Variants in CPNE8 observed in about 807,000 individuals in gnomAD.
The protein encoded by CPNE8 is copine-8.
Under a neutral mutation model 81.5 loss-of-function variants are expected in CPNE8, and 45 were observed. The observed-to-expected ratio is 0.55, with a 90% CI of 0.44 to 0.71. CPNE8 has a LOEUF of 0.71. CPNE8 is among the 30% of genes least tolerant of loss of function. CPNE8 has a pLI of 0.00. For synonymous variants in CPNE8, 252 were observed against 226.3 expected, an observed-to-expected ratio of 1.11 and a Z score of -1.02; for missense variants, 594 against 672.1, an observed-to-expected ratio of 0.88 and a Z score of 1.28.
chr12:38,796,800 A>C (rs1157236830), intron 6 of CPNE8, among the ~76,000 whole-genome samples: 1 of 152,034 alleles, frequency 6.6e-6, no homozygotes, highest in African/African-American at 2.4e-5. Context: ...AGTCAAAGAA[A>C]GGGGTGACAG....
At chr12:38,890,849 T>A (rs927993981) in intron 1 of CPNE8, among the ~76,000 whole-genome samples, 4 of 151,048 alleles carry the variant, frequency 2.6e-5, no homozygotes, top group African/African-American at 4.8e-5. Context: ...TGGGTAGTAT[T>A]CATGCCCAGA....
At chr12:38,787,599 G>T (rs919957331) in intron 6 of CPNE8, among the ~76,000 whole-genome samples, 9 of 150,122 alleles carry the variant, frequency 6.0e-5, no homozygotes, top group African/African-American at 1.7e-4. Context: ...AAATAATAAA[G>T]ATCAAAGCAG....
intron 19 of CPNE8, among the ~76,000 whole-genome samples, chr12:38,664,911 T>C (rs890488829): frequency 3.9e-5 from 6 of 152,126 alleles, no homozygotes; most frequent in African/African-American, 1.4e-4. Context: ...GTCACTGTTA[T>C]CAAACAGGAG....
chr12:38,818,076 G>A (rs926248922), intron 6 of CPNE8, among the ~76,000 whole-genome samples: 3 of 152,064 alleles, frequency 2.0e-5, no homozygotes, highest in Non-Finnish European at 4.4e-5. Context: ...TGTCTAGCTC[G>A]TAATAGTGCT....
intron 6 of CPNE8, among the ~76,000 whole-genome samples, chr12:38,798,542 GA>G (rs1317958410): frequency 1.3e-5 from 2 of 152,006 alleles, no homozygotes; most frequent in African/African-American, 4.8e-5. Context: ...AAGAGCTCCT[GA>G]AGGAAGCACT....
rs560389487 is a variant in CPNE8, at chr12:38,778,000, G to T, written c.408-1699C>A. On this transcript the variant is annotated intron_variant, in intron 6 of 19. Coordinates refer to ENST00000331366, the MANE Select transcript of CPNE8 (RefSeq NM_153634.3). Reference sequence around the variant, plus strand: ...TTCTTATGAGAATCTAATGCCTGATGATCTGTCATGGTCTCCCATCACCCC... The same window carrying T: ...TTCTTATGAGAATCTAATGCCTGATTATCTGTCATGGTCTCCCATCACCCC... Among the ~76,000 whole-genome samples the T allele has an allele frequency of 2.6e-5, 4 of 152,256 alleles. No homozygotes were observed. In the South Asian group the frequency reaches 8.3e-4, roughly 32 times the overall value.
chr12:38,760,218 T>A (rs1941544420), intron 10 of CPNE8, among the ~76,000 whole-genome samples: 1 of 152,012 alleles, frequency 6.6e-6, no homozygotes, highest in South Asian at 2.1e-4. Context: ...CATTTCTGGG[T>A]CCTTGGCTTA....
intron 1 of CPNE8, among the ~76,000 whole-genome samples, chr12:38,879,568 A>C (rs112539507): frequency 6.6e-6 from 1 of 152,176 alleles, no homozygotes; most frequent in African/African-American, 2.4e-5. Flanking sequence ...ATGTATTTAA[A>C]GTAAAAAGTG....
At chr12:38,876,040 AAC>A (rs1944061372) in intron 1 of CPNE8, among the ~76,000 whole-genome samples, 1 of 152,224 alleles carries the variant, frequency 6.6e-6, no homozygotes, top group African/African-American at 2.4e-5. Context: ...TTCACAAAAA[AAC>A]AGAGATGACA....
intron 3 of CPNE8, among the ~76,000 whole-genome samples, chr12:38,872,006 A>T (rs1234874718): frequency 6.6e-6 from 1 of 152,108 alleles, no homozygotes; most frequent in Non-Finnish European, 1.5e-5. Context: ...ATGGTGGCGC[A>T]TGCCTGTAAT....
chr12:38,841,107 G>C (rs751131170), intron 4 of CPNE8, among the ~76,000 whole-genome samples: 2 of 152,008 alleles, frequency 1.3e-5, no homozygotes, highest in Non-Finnish European at 2.9e-5. Flanking sequence ...CTAGGCAGAG[G>C]GTCCATTCAC....
rs1311783771 is a variant in CPNE8, at chr12:38,807,597, TA to T, written c.407+21781del. Among the ~76,000 whole-genome samples, 31 of 151,186 alleles carry T rather than the reference TA, an allele frequency of 2.1e-4. No individual in the cohort carries two copies. The East Asian group carries it at 3.7e-3, about 18-fold the overall frequency. On this transcript the variant is annotated intron_variant, in intron 6 of 19. Coordinates refer to ENST00000331366, the MANE Select transcript of CPNE8 (RefSeq NM_153634.3). ...CCTTCCTTACACCTTATACAAAAAT[TA>T]ATTCAAGATGGATTAAAGACTTAAA...
At chr12:38,765,887 T>C (rs1349826134) in intron 8 of CPNE8, among the ~76,000 whole-genome samples, 1 of 152,104 alleles carries the variant, frequency 6.6e-6, no homozygotes, top group East Asian at 1.9e-4. Context: ...AGATGGAGTT[T>C]CACTCTTTTT....
chr12:38,858,296 A>G (rs1466019284), intron 3 of CPNE8, among the ~76,000 whole-genome samples: 4 of 152,170 alleles, frequency 2.6e-5, no homozygotes, highest in East Asian at 3.9e-4. Context: ...TCGAGCCCCA[A>G]AATTGGGGCT....
chr12:38,861,984 T>A (rs575618135), intron 3 of CPNE8, among the ~76,000 whole-genome samples: 1 of 152,098 alleles, frequency 6.6e-6, no homozygotes, highest in African/African-American at 2.4e-5. Context: ...TACATGAAAA[T>A]CTCCAATGAT....
intron 6 of CPNE8, among the ~76,000 whole-genome samples, chr12:38,781,100 T>G (rs888205267): frequency 5.9e-5 from 9 of 152,024 alleles, no homozygotes; most frequent in Admixed American, 5.9e-4. Context: ...AAAATAGAAT[T>G]TCATAAAAAA....
chr12:38,699,105 C>A (rs1939868445), intron 14 of CPNE8, among the ~76,000 whole-genome samples: 1 of 152,112 alleles, frequency 6.6e-6, no homozygotes, highest in Non-Finnish European at 1.5e-5. Flanking sequence ...TGGCTGGTTT[C>A]TCTCTTTATT....
At chr12:38,661,716 A>G (rs1198684127) in intron 19 of CPNE8, among the ~76,000 whole-genome samples, 1 of 152,200 alleles carries the variant, frequency 6.6e-6, no homozygotes, top group East Asian at 1.9e-4. Context: ...AAAAATCTAC[A>G]GGTTAATATT....
Position 38,806,181 on chromosome 12 carries a change from G to T in CPNE8, c.407+23198C>A, listed in dbSNP as rs1480002526. 2.0e-5 allele frequency among the ~76,000 whole-genome samples: 3 copies of T among 150,196 alleles called. 1 individual carries two copies. Among genetic ancestry groups the T allele is most frequent in the Non-Finnish European group, 4.4e-5 (3 of 67,432 alleles). ...CTGAATTCTACCAGAGGCATGAGGA[G>T]GAACTGGTAGCATTCCTTCTGAAAC... On this transcript the variant is annotated intron_variant, in intron 6 of 19. Coordinates refer to ENST00000331366, the MANE Select transcript of CPNE8 (RefSeq NM_153634.3).
Sources: allele counts gnomAD v4.1 joint callset (sites outside exome capture counted in the v4.1 genomes callset), GRCh38; gene constraint gnomAD v4.1.1; transcripts MANE v1.5; gene names NCBI Gene and HGNC (gene_info 2026-07-23, HGNC 2026-07-21).